Variants in BPHL observed in about 807,000 individuals in gnomAD.
BPHL encodes serine hydrolase BPHL.
In BPHL, 27 loss-of-function variants were observed where a neutral mutation model predicts 31.2. The ratio of observed to expected loss-of-function variants is 0.87; its 90% CI spans 0.64 to 1.19. The LOEUF is 1.19. Among genes scored for constraint, BPHL ranks in the 50% most tolerant of loss-of-function variants. The pLI is 0.00. For missense variants in BPHL, 356 were observed against 375.7 expected, an observed-to-expected ratio of 0.95 and a Z score of 0.43; for synonymous variants, 150 against 146.8, an observed-to-expected ratio of 1.02 and a Z score of -0.16.
At chr6:3,119,396 G>A in intron 1 of BPHL, 2 of 1,605,440 alleles carry the variant, frequency 1.2e-6, no homozygotes, top group Non-Finnish European at 1.7e-6. Context: ...AATCACGTTG[G>A]GAACTGAAAA....
intron 5 of BPHL, chr6:3,139,552 G>A (rs373450575): frequency 3.9e-5 from 6 of 152,162 alleles, no homozygotes; most frequent in South Asian, 2.1e-4. Flanking sequence ...CGTGCAGGGC[G>A]GGGGAGCACT....
chr6:3,136,884 A>G (rs746117729), intron 4 of BPHL, among the ~76,000 whole-genome samples: 9 of 152,266 alleles, frequency 5.9e-5, no homozygotes, highest in Non-Finnish European at 2.9e-5. Context: ...AGAAATTAGA[A>G]TGAATAATTT....
intron 1 of BPHL, chr6:3,119,236 T>C: frequency 6.7e-7 from 1 of 1,489,988 alleles, no homozygotes; most frequent in Non-Finnish European, 9.0e-7. Flanking sequence ...CTGTCCAGAG[T>C]CCACACTAAG....
In BPHL at chr6:3,140,142, G is replaced by C; in HGVS notation, c.665-244G>C. ...TACTATTTTATGCGAATTTAAATCA[G>C]GCTGCTTATTTACTAGTAGAACTCA... On this transcript the variant is annotated intron_variant, in intron 5 of 6. Transcript: ENST00000380379. This position sits in a 1 kb window ranked among gnomAD's most constrained non-coding sequence, Gnocchi z 5.2. 1.9e-6 allele frequency: 1 copy of C among 517,654 alleles called. No homozygotes were observed. Among genetic ancestry groups the C allele is most frequent in the South Asian group, 2.6e-5 (1 of 38,024 alleles). The allele number at this position is 517,654 out of a possible 1,614,324, so 32.1% of individuals were successfully genotyped here. A position where few individuals can be genotyped will look rare whatever the true frequency, so the allele number is the denominator to read the frequency against.
chr6:3,122,856 G>T (rs894412256), intron 1 of BPHL, among the ~76,000 whole-genome samples: 11 of 152,250 alleles, frequency 7.2e-5, no homozygotes, highest in Admixed American at 2.6e-4. Context: ...TACAGCTAAA[G>T]AACAGCCTGG....
chr6:3,129,684 GA>G (rs1261317540), intron 4 of BPHL, among the ~76,000 whole-genome samples: 1 of 151,902 alleles, frequency 6.6e-6, no homozygotes, highest in Non-Finnish European at 1.5e-5. Context: ...GGGGAGGAAA[GA>G]AAATAATGTT....
At position 3,119,532 on chromosome 6, in the gene BPHL, A is replaced by C. The variant is rs556693182; in HGVS notation, c.107+685A>C. ...TTTCAGGTAAAACAATAACAAAAAA[A>C]CTGGATTAATTTCTGACCTTCTGTC... On this transcript the variant is annotated intron_variant, in intron 1 of 6. Coordinates refer to ENST00000380379, the MANE Select transcript of BPHL (RefSeq NM_004332.4). 8.8e-5 allele frequency: 142 copies of C among 1,613,908 alleles called. 1 individual carries two copies. The South Asian group carries it at 1.4e-3, about 16-fold the overall frequency.
intron 6 of BPHL, among the ~76,000 whole-genome samples, chr6:3,147,626 A>C (rs1762418770): frequency 1.3e-5 from 2 of 152,110 alleles, no homozygotes; most frequent in Non-Finnish European, 2.9e-5. Flanking sequence ...AAAAAAAAAG[A>C]ACCAACAAGA....
chr6:3,152,563 C>T lies in BPHL; in HGVS notation c.864C>T (p.Asp288=), dbSNP rs768665227. The part of the protein sequence containing the change: ...FADEFNKLAE[D]FLQ The stretch of plus-strand genomic sequence containing the variant: ...ATGAATTCAACAAGTTAGCAGAAGA[C>T]TTCCTACAATGAGAATGCACACTCC... Residue 288 remains aspartate, a synonymous_variant, in exon 7 of 7, where the codon GAC becomes GAT. Coordinates refer to ENST00000380379, the MANE Select transcript of BPHL (RefSeq NM_004332.4). 6.2e-7 allele frequency: 1 copy of T among 1,613,136 alleles called. No individual in the cohort carries two copies. Among genetic ancestry groups the T allele is most frequent in the Non-Finnish European group, 8.5e-7 (1 of 1,179,640 alleles).
chr6:3,144,092 C>CA (rs1421356761), intron 6 of BPHL, among the ~76,000 whole-genome samples: 1 of 152,150 alleles, frequency 6.6e-6, no homozygotes, highest in African/African-American at 2.4e-5. Context: ...GTTTTTGAGA[C>CA]AGAGTCTCGC....
At chr6:3,125,140 G>C (rs557231932) in intron 2 of BPHL, among the ~76,000 whole-genome samples, 4 of 151,546 alleles carry the variant, frequency 2.6e-5, no homozygotes, top group Non-Finnish European at 4.4e-5. Context: ...CTACCTCCCA[G>C]GTTCAAGCGA....
In BPHL at chr6:3,134,415, CCTTTTT is replaced by C. The variant is rs1211227988; in HGVS notation, c.533-2935_533-2930del. Among the ~76,000 whole-genome samples, 18 of 151,092 alleles carry C rather than the reference CCTTTTT, an allele frequency of 1.2e-4. No individual in the cohort carries two copies. In the East Asian group the frequency reaches 3.1e-3, roughly 26 times the overall value. ...ATGCCACAGTGTTTTGTTTTTCTTT[CCTTTTT>C]CTTTTTCTTTTCTTTCCTTTTTTTT... On this transcript the variant is annotated intron_variant, in intron 4 of 6. Transcript: ENST00000380379.
intron 5 of BPHL, chr6:3,138,443 T>A (rs967970295): frequency 3.2e-5 from 5 of 154,862 alleles, no homozygotes; most frequent in African/African-American, 1.2e-4. Flanking sequence ...CATTTTTTTT[T>A]AATTACTGAG....
intron 5 of BPHL, chr6:3,138,150 C>A: frequency 4.1e-6 from 2 of 488,148 alleles, no homozygotes; most frequent in Non-Finnish European, 7.1e-6. Context: ...TCCCAAGTAG[C>A]TGGGACCACA....
intron 3 of BPHL, 114 bp from the exon 4 acceptor site, chr6:3,128,931 G>T: frequency 6.7e-7 from 1 of 1,487,570 alleles, no homozygotes. Flanking sequence ...TTTCTTTTCT[G>T]ACTAATTGAT....
chr6:3,141,398 C>T (rs747765588), intron 6 of BPHL, among the ~76,000 whole-genome samples: 3 of 152,092 alleles, frequency 2.0e-5, no homozygotes, highest in South Asian at 2.1e-4. Context: ...GTCGGAGTCT[C>T]GCACTGTCAC....
intron 6 of BPHL, among the ~76,000 whole-genome samples, chr6:3,142,836 G>C (rs1029121003): frequency 6.6e-6 from 1 of 152,132 alleles, no homozygotes; most frequent in Non-Finnish European, 1.5e-5. Context: ...CCCTTAAAGA[G>C]CCAGGTTCAA....
intron 4 of BPHL, among the ~76,000 whole-genome samples, chr6:3,134,780 T>G (rs1304919858): frequency 1.3e-5 from 2 of 152,060 alleles, no homozygotes; most frequent in Non-Finnish European, 2.9e-5. Flanking sequence ...TTTTTTGTAT[T>G]TTTAGTAGAG....
In BPHL at chr6:3,134,759, C is replaced by T. The variant is rs530809479; in HGVS notation, c.533-2603C>T. 3.3e-5 allele frequency among the ~76,000 whole-genome samples: 5 copies of T among 152,004 alleles called. No homozygotes were observed. In the South Asian group the frequency reaches 1.0e-3, roughly 31 times the overall value. Reference sequence around the variant, plus strand: ...CTGGGAATACAGGCGCCTGCCACCACGCCCGGCTATTTTTTTGTATTTTTA... The same window carrying T: ...CTGGGAATACAGGCGCCTGCCACCATGCCCGGCTATTTTTTTGTATTTTTA... On this transcript the variant is annotated intron_variant, in intron 4 of 6. Transcript: ENST00000380379.
Sources: allele counts gnomAD v4.1 joint callset (sites outside exome capture counted in the v4.1 genomes callset), GRCh38; gene constraint gnomAD v4.1.1; non-coding constraint Gnocchi (gnomAD v3.1); transcripts MANE v1.5; gene names NCBI Gene and HGNC (gene_info 2026-07-23, HGNC 2026-07-21).